BACH2: variants seen among roughly 807,000 people sequenced by gnomAD.
The protein encoded by BACH2 is transcription regulator protein BACH2.
BACH2 carries 5 observed loss-of-function variants against 61.8 expected under a neutral mutation model. That is an observed-to-expected ratio of 0.08 (90% CI 0.04 to 0.17). BACH2 has a LOEUF of 0.17. Ranked by LOEUF, BACH2 falls within the 10% of genes least tolerant of loss-of-function variation. The pLI is 1.00. For synonymous variants in BACH2, 446 were observed against 440.1 expected (o/e 1.01, Z -0.17); for missense variants, 824 against 1,091.1 (o/e 0.76, Z 3.45).
intron 3 of BACH2, among the ~76,000 whole-genome samples, chr6:90,225,546 T>C (rs573364933): frequency 1.3e-5 from 2 of 152,144 alleles, no homozygotes; most frequent in Admixed American, 6.5e-5. Flanking sequence ...TTCACACTTA[T>C]ACGTGGGAGC....
At chr6:90,089,895 G>T (rs1489661888) in intron 4 of BACH2, among the ~76,000 whole-genome samples, 1 of 152,124 alleles carries the variant, frequency 6.6e-6, no homozygotes, top group Non-Finnish European at 1.5e-5. Flanking sequence ...CACAAAAATA[G>T]ATGCATATTC....
chr6:89,967,442 T>A (rs1775104544), intron 6 of BACH2, among the ~76,000 whole-genome samples: 5 of 152,184 alleles, frequency 3.3e-5, no homozygotes, highest in South Asian at 4.1e-4. Context: ...AGTATTTGGA[T>A]GGAATTTTAG....
chr6:90,225,308 G>C (rs989641770), intron 3 of BACH2, among the ~76,000 whole-genome samples: 1 of 152,126 alleles, frequency 6.6e-6, no homozygotes, highest in East Asian at 1.9e-4. Flanking sequence ...CCAAGCCCAG[G>C]CCCGGGAGTT....
intron 5 of BACH2, among the ~76,000 whole-genome samples, chr6:90,079,731 C>T (rs1219987990): frequency 6.6e-6 from 1 of 152,078 alleles, no homozygotes; most frequent in Non-Finnish European, 1.5e-5. Context: ...TTATTTTTAG[C>T]CATGCACAAA....
At chr6:90,009,900 G>A (rs1001981375) in intron 5 of BACH2, among the ~76,000 whole-genome samples, 2 of 152,126 alleles carry the variant, frequency 1.3e-5, no homozygotes, top group East Asian at 3.9e-4. Context: ...CCTGACCTCA[G>A]GTGATCCACC....
intron 6 of BACH2, among the ~76,000 whole-genome samples, chr6:90,006,895 G>A (rs898883006): frequency 1.3e-5 from 2 of 152,140 alleles, no homozygotes; most frequent in African/African-American, 4.8e-5. Flanking sequence ...CAGGATGACA[G>A]GTGTGAGCTG....
chr6:90,085,525 T>C (rs1002313500), intron 5 of BACH2, among the ~76,000 whole-genome samples: 6 of 152,214 alleles, frequency 3.9e-5, no homozygotes, highest in Non-Finnish European at 7.3e-5. Context: ...TCTAGATGTG[T>C]AAATGGCATT....
chr6:89,934,543 C>T (rs1562304834), intron 8 of BACH2, among the ~76,000 whole-genome samples: 1 of 152,042 alleles, frequency 6.6e-6, no homozygotes, highest in Admixed American at 6.5e-5. Context: ...CTTATAATCC[C>T]AGCTACTTAG....
In BACH2 at chr6:90,008,543, C is replaced by A. The variant is rs1223279183; in HGVS notation, c.243+59G>T. The A allele has an allele frequency of 2.5e-6, 4 of 1,598,990 alleles. No homozygotes were observed. The African/African-American group carries it at 5.4e-5, about 21-fold the overall frequency. On this transcript the variant is annotated intron_variant, in intron 6 of 8. Coordinates refer to ENST00000257749, the MANE Select transcript of BACH2 (RefSeq NM_021813.4). This position sits in a 1 kb window ranked among gnomAD's most constrained non-coding sequence, Gnocchi z 4.1. ...AGTACATCTTCTAGCTCCTAGTCAGCCAGTTTTCTGTAAGTCAATAAACAT... is the reference window on the plus strand; with the variant it reads ...AGTACATCTTCTAGCTCCTAGTCAGACAGTTTTCTGTAAGTCAATAAACAT...
chr6:90,106,571 G>C (rs1441452454), intron 4 of BACH2, among the ~76,000 whole-genome samples: 8 of 152,284 alleles, frequency 5.3e-5, no homozygotes, highest in African/African-American at 1.9e-4. Flanking sequence ...TATGATGTTT[G>C]CACAATGATG....
intron 5 of BACH2, among the ~76,000 whole-genome samples, chr6:90,043,203 T>C (rs1323834435): frequency 1.3e-5 from 2 of 152,198 alleles, no homozygotes; most frequent in African/African-American, 4.8e-5. Flanking sequence ...CTCACTGTTA[T>C]GGTTTGAATG....
intron 4 of BACH2, among the ~76,000 whole-genome samples, chr6:90,202,729 T>C (rs781638221): frequency 1.3e-5 from 2 of 152,280 alleles, no homozygotes; most frequent in South Asian, 2.1e-4. Context: ...CATGCCTTCA[T>C]AAAAAACAAT....
intron 5 of BACH2, among the ~76,000 whole-genome samples, chr6:90,016,357 T>C (rs1253037564): frequency 3.3e-5 from 5 of 152,242 alleles, no homozygotes; most frequent in African/African-American, 9.6e-5. Flanking sequence ...TCTGACTCTC[T>C]GTGTTAACTA....
At chr6:90,025,294 T>C (rs1276547708) in intron 5 of BACH2, among the ~76,000 whole-genome samples, 1 of 152,192 alleles carries the variant, frequency 6.6e-6, no homozygotes, top group African/African-American at 2.4e-5. Context: ...TGATGCTTGC[T>C]TTTGCTTCTT....
At chr6:90,047,159 TG>T (rs928939787) in intron 5 of BACH2, among the ~76,000 whole-genome samples, 1 of 152,206 alleles carries the variant, frequency 6.6e-6, no homozygotes, top group African/African-American at 2.4e-5. Context: ...TGACTTCAGG[TG>T]ATCTGCCCGC....
chr6:90,236,794 T>C (rs1770272709), intron 3 of BACH2, among the ~76,000 whole-genome samples: 1 of 152,224 alleles, frequency 6.6e-6, no homozygotes, highest in East Asian at 1.9e-4. Flanking sequence ...AAACTGTGCC[T>C]GTCACTGTTC....
chr6:90,200,316 G>A (rs973802077), intron 4 of BACH2, among the ~76,000 whole-genome samples: 23 of 152,026 alleles, frequency 1.5e-4, no homozygotes, highest in Admixed American at 6.6e-4. Flanking sequence ...TGTACACATC[G>A]GCAGTGTCTT....
chr6:89,976,466 A>G (rs1238939554), intron 6 of BACH2, among the ~76,000 whole-genome samples: 1 of 152,172 alleles, frequency 6.6e-6, no homozygotes, highest in Non-Finnish European at 1.5e-5. Context: ...ATGAACCACA[A>G]TGATCACAGC....
chr6:90,096,589 CATGA>C (rs1274717491), intron 4 of BACH2, among the ~76,000 whole-genome samples: 1 of 152,232 alleles, frequency 6.6e-6, no homozygotes, highest in African/African-American at 2.4e-5. Flanking sequence ...TACACCAATA[CATGA>C]ATGAAGATCA....
Sources: gnomAD v4.1 joint callset for allele counts (sites outside exome capture counted in the v4.1 genomes callset) on GRCh38, gnomAD v4.1.1 for gene constraint, Gnocchi (gnomAD v3.1) non-coding constraint, MANE v1.5 for transcripts, NCBI Gene and HGNC (gene_info 2026-07-23, HGNC 2026-07-21) for gene names.